The following RBMS3 variants were observed in gnomAD, a reference collection of about 807,000 sequenced individuals.
The protein encoded by RBMS3 is RNA-binding motif, single-stranded-interacting protein 3.
In RBMS3, 27 loss-of-function variants were observed where a neutral mutation model predicts 66.8. That is an observed-to-expected ratio of 0.40 (90% CI 0.30 to 0.56). The LOEUF (loss-of-function observed/expected upper bound fraction) is 0.56, where lower values mean the gene tolerates loss of function less well. Among genes scored for constraint, RBMS3 ranks in the 20% least tolerant of loss-of-function variants. The pLI is 0.40. For synonymous variants in RBMS3, 188 were observed against 183.0 expected (o/e 1.03, Z -0.22); for missense variants, 513 against 549.5 (o/e 0.93, Z 0.66).
At chr3:29,432,084 A>T (rs1318082359) in intron 1 of RBMS3, among the ~76,000 whole-genome samples, 1 of 152,164 alleles carries the variant, frequency 6.6e-6, no homozygotes, top group African/African-American at 2.4e-5. Flanking sequence ...GGGGCATAAA[A>T]GGTGAAACAT....
At chr3:29,439,987 T>C (rs2041555189) in intron 2 of RBMS3, among the ~76,000 whole-genome samples, 1 of 152,136 alleles carries the variant, frequency 6.6e-6, no homozygotes, top group Non-Finnish European at 1.5e-5. Context: ...AAGATAGATT[T>C]GGTTTAAGAA....
chr3:29,547,458 G>A (rs1017988951), intron 3 of RBMS3, among the ~76,000 whole-genome samples: 1 of 151,654 alleles, frequency 6.6e-6, no homozygotes, highest in African/African-American at 2.4e-5. Context: ...GTTCCATTAA[G>A]CAATTGGAAA....
intron 1 of RBMS3, among the ~76,000 whole-genome samples, chr3:29,336,782 C>G (rs2035979325): frequency 6.6e-6 from 1 of 152,088 alleles, no homozygotes; most frequent in African/African-American, 2.4e-5. Context: ...GTTAAACATT[C>G]CAACCCAGGC....
At chr3:29,430,073 C>T (rs996310184) in intron 1 of RBMS3, among the ~76,000 whole-genome samples, 2 of 151,928 alleles carry the variant, frequency 1.3e-5, no homozygotes, top group African/African-American at 4.8e-5. Context: ...TCAGGCATTC[C>T]GGGAACTTTC....
rs2033305749 is a variant in RBMS3, at chr3:29,296,878, C to A, written c.75+15122C>A. Among the ~76,000 whole-genome samples, 3 of 140,106 alleles carry A rather than the reference C, an allele frequency of 2.1e-5. No homozygotes were observed. In the Admixed American group the frequency reaches 2.3e-4, roughly 11 times the overall value. The allele number at this position is 140,106 out of a possible 152,430, so 91.9% of individuals were successfully genotyped here. ...CCTTCCCAAGGACCTGAAAAGATGACCTTTTTTTTTTTAAACACTTTAGTC... is the reference window on the plus strand; with the variant it reads ...CCTTCCCAAGGACCTGAAAAGATGAACTTTTTTTTTTTAAACACTTTAGTC... On this transcript the variant is annotated intron_variant, in intron 1 of 14. Coordinates refer to ENST00000383767, the MANE Select transcript of RBMS3 (RefSeq NM_001003793.3).
intron 1 of RBMS3, among the ~76,000 whole-genome samples, chr3:29,408,764 A>G (rs2040138358): frequency 6.6e-6 from 1 of 152,204 alleles, no homozygotes; most frequent in Non-Finnish European, 1.5e-5. Flanking sequence ...TCGTCAGAAT[A>G]TGTACAATAC....
chr3:29,575,120 C>T (rs6779977), intron 3 of RBMS3, among the ~76,000 whole-genome samples: 49,337 of 151,966 alleles, frequency 0.32, 9,498 homozygotes, highest in African/African-American at 0.52. Flanking sequence ...TTCTTGCTCA[C>T]TAACATCTTC....
At chr3:29,963,825 C>CT (rs1323093076) in intron 12 of RBMS3, among the ~76,000 whole-genome samples, 1,550 of 67,824 alleles carry the variant, frequency 0.023, 30 homozygotes, top group African/African-American at 0.065. Context: ...AGGCTGCCCC[C>CT]TCCAAAAAAA....
At chr3:29,892,843 G>GTATGTATT (rs1336972891) in intron 8 of RBMS3, among the ~76,000 whole-genome samples, 3,357 of 137,354 alleles carry the variant, frequency 0.024, 100 homozygotes, top group African/African-American at 0.065. Context: ...ATGTATGTAT[G>GTATGTATT]TATTTATTTA....
intron 7 of RBMS3, 81 bp from the exon 8 acceptor site, chr3:29,884,081 G>A (rs1050436480): frequency 1.4e-5 from 17 of 1,184,530 alleles, no homozygotes; most frequent in Non-Finnish European, 2.1e-5. Context: ...AATGATAAGA[G>A]TCTTTGTGTG....
At chr3:29,747,108 C>T (rs1189810363) in intron 5 of RBMS3, among the ~76,000 whole-genome samples, 1 of 152,170 alleles carries the variant, frequency 6.6e-6, no homozygotes, top group African/African-American at 2.4e-5. Context: ...TAGTCTGCTT[C>T]TGGCCAATAG....
intron 2 of RBMS3, among the ~76,000 whole-genome samples, chr3:29,453,821 C>T (rs1559374012): frequency 6.6e-6 from 1 of 152,180 alleles, no homozygotes; most frequent in Non-Finnish European, 1.5e-5. Context: ...GATGAAGTGA[C>T]AGCCTGCTGG....
chr3:29,914,160 G>C (rs889608870), intron 10 of RBMS3, among the ~76,000 whole-genome samples: 1 of 151,884 alleles, frequency 6.6e-6, no homozygotes, highest in Non-Finnish European at 1.5e-5. Flanking sequence ...TGAGATTTGT[G>C]GTATTAATTA....
chr3:29,456,662 G>T (rs1224649324), intron 2 of RBMS3, among the ~76,000 whole-genome samples: 1 of 152,066 alleles, frequency 6.6e-6, no homozygotes, highest in African/African-American at 2.4e-5. Flanking sequence ...AGGAAAAAAT[G>T]GATATTGTAT....
intron 1 of RBMS3, among the ~76,000 whole-genome samples, chr3:29,294,045 A>G (rs1241583679): frequency 6.6e-6 from 1 of 151,750 alleles, no homozygotes; most frequent in Non-Finnish European, 1.5e-5. Context: ...GTTAGTCTGT[A>G]AACAGTCTGA....
chr3:29,281,934 A>G (rs902041161), intron 1 of RBMS3, among the ~76,000 whole-genome samples, 178 bp downstream of exon 1: 1 of 152,202 alleles, frequency 6.6e-6, no homozygotes, highest in African/African-American at 2.4e-5. Flanking sequence ...AGAAGAAAGC[A>G]GCAAACCCGG....
intron 6 of RBMS3, among the ~76,000 whole-genome samples, chr3:29,842,036 T>G (rs904647536): frequency 2.4e-4 from 36 of 152,104 alleles, no homozygotes; most frequent in Non-Finnish European, 5.9e-5. Context: ...AAGGAGAAAA[T>G]GTTCTCCCCT....
intron 4 of RBMS3, among the ~76,000 whole-genome samples, chr3:29,669,240 C>T (rs2050892632): frequency 2.6e-5 from 4 of 152,216 alleles, no homozygotes; most frequent in Admixed American, 2.6e-4. Context: ...TCTTTCTTCC[C>T]CTTACGGCTT....
At chr3:29,283,486 G>A (rs1363926164) in intron 1 of RBMS3, among the ~76,000 whole-genome samples, 1 of 152,134 alleles carries the variant, frequency 6.6e-6, no homozygotes, top group African/African-American at 2.4e-5. Flanking sequence ...AGAAAGATGG[G>A]GGGTAAAGAG....
Sources: gnomAD v4.1 joint callset for allele counts (sites outside exome capture counted in the v4.1 genomes callset) on GRCh38, gnomAD v4.1.1 for gene constraint, MANE v1.5 for transcripts, NCBI Gene and HGNC (gene_info 2026-07-23, HGNC 2026-07-21) for gene names.